STON1: variants seen among roughly 807,000 people sequenced by gnomAD.
STON1 encodes stonin-1.
In STON1, 79 loss-of-function variants were observed where a neutral mutation model predicts 60.9. That is an observed-to-expected ratio of 1.30 (90% CI 1.08 to 1.56). STON1 has a LOEUF of 1.56. Among genes scored for constraint, STON1 ranks in the 40% most tolerant of loss-of-function variants. The pLI is 0.00. For missense variants in STON1, 1,166 were observed against 858.9 expected (o/e 1.36, Z -4.47); for synonymous variants, 363 against 306.9 (o/e 1.18, Z -1.91).
intron 1 of STON1, among the ~76,000 whole-genome samples, chr2:48,538,325 C>G (rs181283017): frequency 3.3e-5 from 5 of 152,096 alleles, no homozygotes; most frequent in East Asian, 1.9e-4. Context: ...TTTGGTAAAA[C>G]TCATTACGAA....
At chr2:48,586,132 A>G (rs1674194781) in intron 2 of STON1, among the ~76,000 whole-genome samples, 1 of 152,212 alleles carries the variant, frequency 6.6e-6, no homozygotes, top group East Asian at 1.9e-4. Flanking sequence ...CATACCAATC[A>G]TCTTTTCTAA....
chr2:48,550,738 C>G (rs534353130), intron 1 of STON1, among the ~76,000 whole-genome samples: 2 of 151,704 alleles, frequency 1.3e-5, no homozygotes, highest in East Asian at 1.9e-4. Context: ...AATTCTTTCA[C>G]TGATGTTTAT....
chr2:48,538,985 A>G (rs1211872115), intron 1 of STON1, among the ~76,000 whole-genome samples: 1 of 151,304 alleles, frequency 6.6e-6, no homozygotes, highest in African/African-American at 2.4e-5. Context: ...CGGCACCATC[A>G]TAGCTCACTG....
At chr2:48,573,905 G>A (rs963315297) in intron 1 of STON1, among the ~76,000 whole-genome samples, 1 of 152,172 alleles carries the variant, frequency 6.6e-6, no homozygotes, top group African/African-American at 2.4e-5. Flanking sequence ...TATGCTAGGT[G>A]AAAGAAGCCA....
At chr2:48,564,509 T>C (rs1276708260) in intron 1 of STON1, among the ~76,000 whole-genome samples, 135 of 29,490 alleles carry the variant, frequency 4.6e-3, no homozygotes, top group South Asian at 0.011. Flanking sequence ...TTCTTCTTCT[T>C]CTTCTTCTTC....
intron 1 of STON1, among the ~76,000 whole-genome samples, chr2:48,564,392 T>G (rs1304143600): frequency 6.7e-6 from 1 of 149,646 alleles, no homozygotes. Context: ...GGTCCTCCAG[T>G]GGCAGTGGCG....
chr2:48,538,107 C>T (rs1268107136), intron 1 of STON1, among the ~76,000 whole-genome samples: 1 of 151,814 alleles, frequency 6.6e-6, no homozygotes, highest in African/African-American at 2.4e-5. Context: ...GCACGCGCCA[C>T]CACGTGGGCC....
chr2:48,564,500 T>C (rs1490425679), intron 1 of STON1, among the ~76,000 whole-genome samples: 4 of 23,596 alleles, frequency 1.7e-4, no homozygotes, highest in African/African-American at 5.8e-4. Flanking sequence ...TTCTTCTTCT[T>C]CTTCTTCTTC....
At position 48,596,796 on chromosome 2, in the gene STON1, A is replaced by C. The variant is rs1009918826; in HGVS notation, c.*1494A>C. 10 of 152,138 alleles carry C rather than the reference A, an allele frequency of 6.6e-5. No homozygotes were observed. Among genetic ancestry groups the C allele is most frequent in the Non-Finnish European group, 1.2e-4 (8 of 68,026 alleles). The allele number at this position is 152,138 out of a possible 1,614,324, so 9.4% of individuals were successfully genotyped here. A position where few individuals can be genotyped will look rare whatever the true frequency, so the allele number is the denominator to read the frequency against. Reference sequence around the variant, plus strand: ...TATTGCTTTTCATTATTTTACTGTAAAGGCAAAGAATGCAATAGGTGATGG... The same window carrying C: ...TATTGCTTTTCATTATTTTACTGTACAGGCAAAGAATGCAATAGGTGATGG... On this transcript the variant is annotated 3_prime_UTR_variant, in exon 4 of 4. Transcript: ENST00000404752.
intron 1 of STON1, among the ~76,000 whole-genome samples, chr2:48,562,475 T>C (rs1416156471): frequency 6.6e-6 from 1 of 152,228 alleles, no homozygotes; most frequent in Non-Finnish European, 1.5e-5. Context: ...TTAAAGTGCC[T>C]ACTATGCAGA....
At chr2:48,593,638 A>C (rs1411899498) in intron 3 of STON1, among the ~76,000 whole-genome samples, 3 of 152,218 alleles carry the variant, frequency 2.0e-5, no homozygotes, top group Admixed American at 1.3e-4. Flanking sequence ...TAGCATTTTA[A>C]AATCTATGTG....
intron 1 of STON1, among the ~76,000 whole-genome samples, chr2:48,533,336 C>T (rs913438740): frequency 6.6e-6 from 1 of 151,626 alleles, no homozygotes; most frequent in Non-Finnish European, 1.5e-5. Context: ...GAGCCGACTG[C>T]ACCACTGCAC....
intron 1 of STON1, among the ~76,000 whole-genome samples, chr2:48,535,925 A>C (rs1005202031): frequency 1.6e-4 from 24 of 152,042 alleles, no homozygotes; most frequent in African/African-American, 5.8e-4. Flanking sequence ...CTGCCTCTAC[A>C]AAAAATATAA....
intron 1 of STON1, among the ~76,000 whole-genome samples, chr2:48,572,025 T>G (rs1272009126): frequency 6.6e-6 from 1 of 151,960 alleles, no homozygotes; most frequent in Admixed American, 6.6e-5. Flanking sequence ...TAGCCTGGCA[T>G]GGTGGTGGGC....
chr2:48,563,195 T>C (rs1053213440), intron 1 of STON1, among the ~76,000 whole-genome samples: 1 of 152,176 alleles, frequency 6.6e-6, no homozygotes, highest in African/African-American at 2.4e-5. Flanking sequence ...TTCTCCACCT[T>C]AGCCAGGAGA....
At chr2:48,595,044 C>G (rs560561053) in intron 3 of STON1, among the ~76,000 whole-genome samples, 184 bp from the exon 4 acceptor site, 2 of 152,200 alleles carry the variant, frequency 1.3e-5, no homozygotes, top group Non-Finnish European at 2.9e-5. Flanking sequence ...TTGAGGGGCT[C>G]TGTTGTTCAA....
chr2:48,553,868 CT>C (rs1407727018), intron 1 of STON1, among the ~76,000 whole-genome samples: 1 of 152,168 alleles, frequency 6.6e-6, no homozygotes, highest in African/African-American at 2.4e-5. Context: ...ATAGCAGTGA[CT>C]TGTTCAAACT....
At chr2:48,552,032 C>T (rs954860578) in intron 1 of STON1, among the ~76,000 whole-genome samples, 8 of 152,260 alleles carry the variant, frequency 5.3e-5, no homozygotes, top group African/African-American at 1.9e-4. Flanking sequence ...GCTCTGCTTT[C>T]CATGGCTGCA....
chr2:48,557,147 T>G (rs1219460224), intron 1 of STON1, among the ~76,000 whole-genome samples: 48 of 84,536 alleles, frequency 5.7e-4, no homozygotes, highest in African/African-American at 6.8e-4. Flanking sequence ...ATGGGGTGGC[T>G]GCCGGGCGGA....
Sources: allele counts gnomAD v4.1 joint callset (sites outside exome capture counted in the v4.1 genomes callset), GRCh38; gene constraint gnomAD v4.1.1; transcripts MANE v1.5; gene names NCBI Gene and HGNC (gene_info 2026-07-23, HGNC 2026-07-21).